SHROOM1: variants seen among roughly 807,000 people sequenced by gnomAD.
The protein encoded by SHROOM1 is protein Shroom1.
In SHROOM1, 53 loss-of-function variants were observed where a neutral mutation model predicts 64.2. The observed-to-expected ratio is 0.83, with a 90% CI of 0.66 to 1.04. The LOEUF (loss-of-function observed/expected upper bound fraction) is 1.04, where lower values mean the gene tolerates loss of function less well. Ranked by LOEUF, SHROOM1 falls within the 50% of genes least tolerant of loss-of-function variation. The pLI, the probability that SHROOM1 is intolerant of heterozygous loss-of-function variation, is 0.00. For synonymous variants in SHROOM1, 490 were observed against 518.9 expected, an observed-to-expected ratio of 0.94 and a Z score of 0.76; for missense variants, 1,179 against 1,163.2, an observed-to-expected ratio of 1.01 and a Z score of -0.20.
In SHROOM1 at chr5:132,830,559, C is replaced by A. The variant is rs1037854972; in HGVS notation, c.-501+35G>T. 32 of 985,504 alleles carry A rather than the reference C, an allele frequency of 3.2e-5. No individual in the cohort carries two copies. Among genetic ancestry groups the A allele is most frequent in the Non-Finnish European group, 3.9e-5 (32 of 829,850 alleles). 61.0% of individuals were successfully genotyped at this position (985,504 alleles called of 1,614,324 possible). On this transcript the variant is annotated intron_variant, in intron 1 of 9. Transcript: ENST00000378679. The surrounding 1 kb of genome is among the most constrained non-coding windows in gnomAD (Gnocchi z 5.9). ...GCCTCCCGGGGGAAGCGGACCCAGCCGCCCGCTTCCCGCTCCCCCGCCCCC... is the reference window on the plus strand; with the variant it reads ...GCCTCCCGGGGGAAGCGGACCCAGCAGCCCGCTTCCCGCTCCCCCGCCCCC...
Position 132,823,542 on chromosome 5 carries a change from C to A in SHROOM1, c.1954-20G>T. The A allele has an allele frequency of 6.3e-7, 1 of 1,584,718 alleles. No homozygotes were observed. The highest frequency in any genetic ancestry group is 8.6e-7 in the Non-Finnish European group (1 of 1,161,546). Reference sequence around the variant, plus strand: ...CTCCACCTACAGGGAAGGCTCAAGGCTGGGGCCAGGCTCATGACTTCCCTG... The same window carrying A: ...CTCCACCTACAGGGAAGGCTCAAGGATGGGGCCAGGCTCATGACTTCCCTG... On this transcript the variant is annotated intron_variant, in intron 8 of 9. Coordinates refer to ENST00000378679, the MANE Select transcript of SHROOM1 (RefSeq NM_001172700.2). The surrounding 1 kb of genome is among the most constrained non-coding windows in gnomAD (Gnocchi z 4.6).
Position 132,826,345 on chromosome 5 carries a change from A to T in SHROOM1, c.-111T>A. 1 of 1,174,860 alleles carries T rather than the reference A, an allele frequency of 8.5e-7. No homozygotes were observed. Among genetic ancestry groups the T allele is most frequent in the Non-Finnish European group, 1.1e-6 (1 of 934,134 alleles). 72.8% of individuals were successfully genotyped at this position (1,174,860 alleles called of 1,614,324 possible). A position where few individuals can be genotyped will look rare whatever the true frequency, so the allele number is the denominator to read the frequency against. Reference sequence around the variant, plus strand: ...CAGATTTTGGCAGAGTCACCTTGGGATCAGAGGTGGCAGAGGAAGTAGGAC... The same window carrying T: ...CAGATTTTGGCAGAGTCACCTTGGGTTCAGAGGTGGCAGAGGAAGTAGGAC... On this transcript the variant is annotated 5_prime_UTR_variant, in exon 3 of 10. Transcript: ENST00000378679.
rs1229990631 is a variant in SHROOM1, at chr5:132,830,006, G to C, written c.-501+588C>G. 2 of 985,298 alleles carry C rather than the reference G, an allele frequency of 2.0e-6. No homozygotes were observed. The highest frequency in any genetic ancestry group is 2.3e-4 in the East Asian group (2 of 8,824). 61.0% of individuals were successfully genotyped at this position (985,298 alleles called of 1,614,324 possible). On this transcript the variant is annotated intron_variant, in intron 1 of 9. Transcript: ENST00000378679. This position sits in a 1 kb window ranked among gnomAD's most constrained non-coding sequence, Gnocchi z 5.9. ...TGGCGACACCCGGGGAGAGGCGGCC[G>C]CGGGCGTGGACAGACCCGGTTACCT...
In SHROOM1 at chr5:132,825,616, G is replaced by T. The variant is rs753948168; in HGVS notation, c.525C>A (p.Val175=). ...MSLPARLRPT[V]PARPPATHPR... is the part of the protein sequence containing the mutation. ...GGTGAGTCGCCGGGGGCCGCGCTGG[G>T]ACAGTGGGCCGCAGACGGGCGGGCA... is the stretch of plus-strand genomic sequence containing the variant. Residue 175 remains valine (V), a synonymous_variant, in exon 4 of 10, where the codon GTC becomes GTA. Coordinates refer to ENST00000378679, the MANE Select transcript of SHROOM1 (RefSeq NM_001172700.2). This position sits in a 1 kb window ranked among gnomAD's most constrained non-coding sequence, Gnocchi z 5.1. 5.3e-5 allele frequency: 72 copies of T among 1,355,888 alleles called. 1 individual carries two copies. The highest frequency in any genetic ancestry group is 1.6e-4 in the Admixed American group (4 of 25,408). 84.0% of individuals were successfully genotyped at this position (1,355,888 alleles called of 1,614,324 possible).
chr5:132,826,012 G>A lies in SHROOM1; in HGVS notation c.129C>T (p.Pro43=), dbSNP rs1350436193. ...TCCCCGGCGACTGCGTGCGCGGCTC[G>A]GGGCCGCCGGAGGCTGCGGAGAAAG... The part of the protein sequence containing the change: ...YSSFSAASGG[P]EPRTQSPGTD... Residue 43 remains proline, a synonymous_variant, in exon 4 of 10, where the codon CCC becomes CCT. Coordinates refer to ENST00000378679, the MANE Select transcript of SHROOM1 (RefSeq NM_001172700.2). The A allele has an allele frequency of 4.6e-6, 7 of 1,530,274 alleles. No individual in the cohort carries two copies. The highest frequency in any genetic ancestry group is 6.1e-6 in the Non-Finnish European group (7 of 1,139,338). The allele number at this position is 1,530,274 out of a possible 1,614,324, so 94.8% of individuals were successfully genotyped here.
Position 132,822,901 on chromosome 5 carries a change from G to T in SHROOM1, c.2454C>A (p.Asp818Glu). 2 of 1,613,546 alleles carry T rather than the reference G, an allele frequency of 1.2e-6. No homozygotes were observed. The highest frequency in any genetic ancestry group is 2.2e-5 in the East Asian group (1 of 44,876). The change falls in exon 10 of 10, where the codon GAC (aspartate) becomes GAA (glutamate). Residue 818 changes from aspartate to glutamate, a missense_variant. Coordinates refer to ENST00000378679, the MANE Select transcript of SHROOM1 (RefSeq NM_001172700.2). ...GATGGCCAAGGTCGTCCCTGATGGC[G>T]TCCAGTTGGTCCTGAAGGAGGCGGA... ...ERIRLLQDQL[D>E]AIRDDLGHHA...
At chr5:132,824,592 GC>G in intron 6 of SHROOM1, 22 bp downstream of exon 6, 1 of 1,598,440 alleles carries the variant, frequency 6.3e-7, no homozygotes, top group South Asian at 1.1e-5. Flanking sequence ...GCCTCACGAT[GC>G]TTGGAAGCAA....
rs1561451619 is a variant in SHROOM1 at position 132,825,777 on chromosome 5, C to T, written c.364G>A (p.Ala122Thr). 3 of 1,242,866 alleles carry T rather than the reference C, an allele frequency of 2.4e-6. No individual in the cohort carries two copies. Among genetic ancestry groups the T allele is most frequent in the Non-Finnish European group, 3.0e-6 (3 of 996,534 alleles). 77.0% of individuals were successfully genotyped at this position (1,242,866 alleles called of 1,614,324 possible). Residue 122 changes from alanine (A) to threonine (T), a missense_variant, in exon 4 of 10, where the codon GCG becomes ACG. Physicochemically the swap from Ala to Thr is moderately conservative, Grantham distance 58. Transcript: ENST00000378679. This position sits in a 1 kb window ranked among gnomAD's most constrained non-coding sequence, Gnocchi z 5.1. The part of the protein sequence containing the change: ...TPLLYALAAE[A>T]EAAAQAAEPP... ...TCGGCAGCCTGCGCCGCGGCCTCCGCCTCGGCCGCCAGCGCGTACAGCAGC... is the reference window on the plus strand; with the variant it reads ...TCGGCAGCCTGCGCCGCGGCCTCCGTCTCGGCCGCCAGCGCGTACAGCAGC...
chr5:132,824,508 C>T, intron 6 of SHROOM1, 89 bp from the exon 7 acceptor site: 1 of 1,520,330 alleles, frequency 6.6e-7, no homozygotes, highest in Non-Finnish European at 8.9e-7. Flanking sequence ...ACCCCCATCA[C>T]CTGGAATCCC....
In SHROOM1 at chr5:132,822,781, C is replaced by G. The variant is rs757543039; in HGVS notation, c.*15G>C. On this transcript the variant is annotated 3_prime_UTR_variant, in exon 10 of 10. Transcript: ENST00000378679. ...GAGAGATAGGGGCGGTGCACCCCAC[C>G]CTCTCCACCTATAACTATGTAAGGA... 6.4e-7 allele frequency: 1 copy of G among 1,571,210 alleles called. No individual in the cohort carries two copies. Among genetic ancestry groups the G allele is most frequent in the East Asian group, 2.3e-5 (1 of 43,010 alleles).
intron 6 of SHROOM1, 79 bp downstream of exon 6, chr5:132,824,536 G>A (rs1203924320): frequency 1.3e-6 from 2 of 1,529,368 alleles, no homozygotes; most frequent in Admixed American, 3.7e-5. Flanking sequence ...AGCTAGGAGA[G>A]CATTCCCACC....
At position 132,825,191 on chromosome 5, in the gene SHROOM1, C is replaced by T. The variant is rs946893855; in HGVS notation, c.950G>A (p.Gly317Glu). Residue 317 changes from glycine to glutamate, a missense_variant, in exon 4 of 10, where the codon GGA becomes GAA. Transcript: ENST00000378679. This position sits in a 1 kb window ranked among gnomAD's most constrained non-coding sequence, Gnocchi z 5.1. ...ASGEVLGSWG[G>E]SGGTIPIVQA... is the part of the protein sequence containing the mutation. ...GACAATGGGTATGGTCCCTCCTGAT[C>T]CTCCCCAGGAACCCAAGACTTCGCC... The T allele has an allele frequency of 1.4e-5, 22 of 1,614,172 alleles. No homozygotes were observed. The highest frequency in any genetic ancestry group is 1.7e-5 in the Non-Finnish European group (20 of 1,180,038).
chr5:132,826,263 G>A lies in SHROOM1; in HGVS notation c.-43+14C>T, dbSNP rs1238491938. 2.6e-5 allele frequency: 33 copies of A among 1,257,554 alleles called. No homozygotes were observed. The highest frequency in any genetic ancestry group is 4.6e-5 in the African/African-American group (3 of 64,572). 77.9% of individuals were successfully genotyped at this position (1,257,554 alleles called of 1,614,324 possible). A position where few individuals can be genotyped will look rare whatever the true frequency, so the allele number is the denominator to read the frequency against. On this transcript the variant is annotated intron_variant, in intron 3 of 9. Coordinates refer to ENST00000378679, the MANE Select transcript of SHROOM1 (RefSeq NM_001172700.2). ...GCCTGCTGGCCCCGCCACCACGGACGGCCAGACACTTACACTTCCCCTCCC... is the reference window on the plus strand; with the variant it reads ...GCCTGCTGGCCCCGCCACCACGGACAGCCAGACACTTACACTTCCCCTCCC...
Position 132,824,629 on chromosome 5 carries a change from C to T in SHROOM1, c.1227G>A (p.Gln409=), listed in dbSNP as rs1250596983. The change falls in exon 6 of 10, where the codon CAG becomes CAA. Residue 409 remains glutamine (Q), a synonymous_variant. Transcript: ENST00000378679. ...GAGGGAATTACCTGGCTGGGGGCCC[C>T]TGGGAGGCATGGGGGTCTGGTGGTG... ...MRSPPDPHAS[Q]GPPASVHASD... is the part of the protein sequence containing the mutation. 1 of 1,608,524 alleles carries T rather than the reference C, an allele frequency of 6.2e-7. No homozygotes were observed. Among genetic ancestry groups the T allele is most frequent in the South Asian group, 1.1e-5 (1 of 90,988 alleles).
rs1295293141 is a variant in SHROOM1, at chr5:132,827,518, A to C, written c.-411T>G. On this transcript the variant is annotated 5_prime_UTR_variant, in exon 2 of 10. Transcript: ENST00000378679. ...GTAGTCCCAGCTACTCGGGAGGCTG[A>C]GGCAGAAGAATCGCTTGAACCCGGG... 1.3e-5 allele frequency: 2 copies of C among 152,372 alleles called. No homozygotes were observed. Among genetic ancestry groups the C allele is most frequent in the African/African-American group, 4.8e-5 (2 of 41,438 alleles). The allele number at this position is 152,372 out of a possible 1,614,324, so 9.4% of individuals were successfully genotyped here.
rs143556262 is a variant in SHROOM1, at chr5:132,826,007, G to A, written c.134C>T (p.Pro45Leu). ...GTCTGTCCCCGGCGACTGCGTGCGC[G>A]GCTCGGGGCCGCCGGAGGCTGCGGA... The part of the protein sequence containing the change: ...SFSAASGGPE[P>L]RTQSPGTDLL... The change falls in exon 4 of 10, where the codon CCG (proline) becomes CTG (leucine). Residue 45 changes from proline (P) to leucine (L), a missense_variant. Coordinates refer to ENST00000378679, the MANE Select transcript of SHROOM1 (RefSeq NM_001172700.2). 2 of 1,531,524 alleles carry A rather than the reference G, an allele frequency of 1.3e-6. No homozygotes were observed. The highest frequency in any genetic ancestry group is 4.1e-5 in the Admixed American group (2 of 48,764). The allele number at this position is 1,531,524 out of a possible 1,614,324, so 94.9% of individuals were successfully genotyped here. A position where few individuals can be genotyped will look rare whatever the true frequency, so the allele number is the denominator to read the frequency against.
In SHROOM1 at chr5:132,825,550, C is replaced by T. The variant is rs746741395; in HGVS notation, c.591G>A (p.Glu197=). 7.0e-7 allele frequency: 1 copy of T among 1,422,642 alleles called. No homozygotes were observed. The allele number at this position is 1,422,642 out of a possible 1,614,324, so 88.1% of individuals were successfully genotyped here. ...GCGCGGGAGCCCGGGAGCGCGCCGG[C>T]TCCCCCTCCCCGCCCGGGTGGCTGA... is the stretch of plus-strand genomic sequence containing the variant. The part of the protein sequence containing the change: ...ASLSHPGGEG[E]PARSRAPAPG... Residue 197 remains glutamate (E), a synonymous_variant, in exon 4 of 10, where the codon GAG becomes GAA. Transcript: ENST00000378679. The surrounding 1 kb of genome is among the most constrained non-coding windows in gnomAD (Gnocchi z 5.1).
chr5:132,829,725 TC>T, intron 1 of SHROOM1: 1 of 985,392 alleles, frequency 1.0e-6, no homozygotes, highest in Non-Finnish European at 1.2e-6. Flanking sequence ...CAGACTGAGT[TC>T]CTGGGTACTG....
intron 1 of SHROOM1, among the ~76,000 whole-genome samples, chr5:132,828,477 C>T (rs1758765874): frequency 6.6e-6 from 1 of 152,086 alleles, no homozygotes; most frequent in African/African-American, 2.4e-5. Context: ...GGAGGACAGT[C>T]CCCTCATCTA....
Sources: allele counts gnomAD v4.1 joint callset (sites outside exome capture counted in the v4.1 genomes callset), GRCh38; gene constraint gnomAD v4.1.1; non-coding constraint Gnocchi (gnomAD v3.1); transcripts MANE v1.5; gene names NCBI Gene and HGNC (gene_info 2026-07-23, HGNC 2026-07-21).